DHX32: variants seen among roughly 807,000 people sequenced by gnomAD.
The protein encoded by DHX32 is putative pre-mRNA-splicing factor ATP-dependent RNA helicase DHX32.
DHX32 carries 51 observed loss-of-function variants against 70.0 expected under a neutral mutation model. The observed-to-expected ratio is 0.73, with a 90% CI of 0.58 to 0.92. The LOEUF is 0.92. Among genes scored for constraint, DHX32 ranks in the 40% least tolerant of loss-of-function variants. The probability of loss-of-function intolerance (pLI) is 0.00; values close to 1 mark genes in which losing one functional copy is unlikely to be tolerated. For missense variants in DHX32, 762 were observed against 891.8 expected, an observed-to-expected ratio of 0.85 and a Z score of 1.85; for synonymous variants, 310 against 315.3, an observed-to-expected ratio of 0.98 and a Z score of 0.18.
At chr10:125,847,584 A>G (rs551741175) in intron 6 of DHX32, among the ~76,000 whole-genome samples, 94 of 152,254 alleles carry the variant, frequency 6.2e-4, no homozygotes, top group African/African-American at 2.2e-3. Flanking sequence ...ATGGAAGACA[A>G]TTTTTCCACA....
At chr10:125,853,079 C>G in intron 4 of DHX32, 1 of 1,367,760 alleles carries the variant, frequency 7.3e-7, no homozygotes, top group Non-Finnish European at 1.0e-6. Flanking sequence ...ATCATAACAG[C>G]TAATACAGAA....
At chr10:125,875,017 G>A (rs912649964) in intron 1 of DHX32, among the ~76,000 whole-genome samples, 1 of 152,014 alleles carries the variant, frequency 6.6e-6, no homozygotes, top group African/African-American at 2.4e-5. Flanking sequence ...CCAGGAGTCC[G>A]AGACCAACCT....
chr10:125,893,122 G>A (rs1316031394), intron 1 of DHX32, among the ~76,000 whole-genome samples: 1 of 152,262 alleles, frequency 6.6e-6, no homozygotes, highest in Non-Finnish European at 1.5e-5. Flanking sequence ...ATGCTAAACC[G>A]TGTAGCACCC....
Position 125,841,856 on chromosome 10 carries a change from A to G in DHX32, c.1430T>C (p.Phe477Ser). 1 of 1,613,898 alleles carries G rather than the reference A, an allele frequency of 6.2e-7. No individual in the cohort carries two copies. Among genetic ancestry groups the G allele is most frequent in the Non-Finnish European group, 8.5e-7 (1 of 1,179,972 alleles). Reference sequence around the variant, plus strand: ...AGGAAACTCTGACATGATGATTCCAAATTCAGAAAGATTTCCATCATTATC... The same window carrying G: ...AGGAAACTCTGACATGATGATTCCAGATTCAGAAAGATTTCCATCATTATC... ...ALDNDGNLSE[F>S]GIIMSEFPLD... Residue 477 changes from phenylalanine to serine, a missense_variant, in exon 7 of 11, where the codon TTT becomes TCT. Phe to Ser is a radical substitution (Grantham distance 155). Transcript: ENST00000284690.
chr10:125,878,719 T>TG (rs1944299059), intron 1 of DHX32, among the ~76,000 whole-genome samples: 1 of 151,872 alleles, frequency 6.6e-6, no homozygotes, highest in African/African-American at 2.4e-5. Context: ...TGTTTTCTTT[T>TG]TTTTTTTGAG....
At chr10:125,891,706 G>A (rs143970021) in intron 1 of DHX32, among the ~76,000 whole-genome samples, 482 of 145,662 alleles carry the variant, frequency 3.3e-3, no homozygotes, top group African/African-American at 0.014. Context: ...TGCGTTCTAC[G>A]GTGGCTAGAG....
chr10:125,836,979 C>T lies in DHX32; in HGVS notation c.2064-124G>A, dbSNP rs1589700130. 2.3e-5 allele frequency: 18 copies of T among 779,302 alleles called. No homozygotes were observed. In the East Asian group the frequency reaches 4.3e-4, roughly 18 times the overall value. The allele number at this position is 779,302 out of a possible 1,614,324, so 48.3% of individuals were successfully genotyped here. On this transcript the variant is annotated intron_variant, in intron 10 of 10. Coordinates refer to ENST00000284690, the MANE Select transcript of DHX32 (RefSeq NM_018180.3). ...CTGTAGAACCGGTATTTAATTTGAACTCAGATAGTATCTCAGTCCGACTTT... is the reference window on the plus strand; with the variant it reads ...CTGTAGAACCGGTATTTAATTTGAATTCAGATAGTATCTCAGTCCGACTTT...
At chr10:125,841,181 C>G in intron 7 of DHX32, 185 bp from the exon 8 acceptor site, 1 of 1,427,590 alleles carries the variant, frequency 7.0e-7, no homozygotes, top group Non-Finnish European at 9.7e-7. Flanking sequence ...AATTCTCCCT[C>G]TCCTTTTGTG....
At chr10:125,885,892 AG>A (rs2134077819), upstream of DHX32, among the ~76,000 whole-genome samples, 1 of 152,344 alleles carries the variant, frequency 6.6e-6, no homozygotes, top group Admixed American at 6.5e-5. Flanking sequence ...CCTTACAGTC[AG>A]GTCTCAAGCC....
chr10:125,872,694 C>T (rs975770390), intron 1 of DHX32, among the ~76,000 whole-genome samples: 44 of 152,168 alleles, frequency 2.9e-4, no homozygotes, highest in African/African-American at 1.0e-3. Context: ...TTCTGATGTG[C>T]CATTTGCATA....
intron 1 of DHX32, among the ~76,000 whole-genome samples, chr10:125,880,309 A>G (rs542476699): frequency 5.9e-5 from 9 of 152,334 alleles, no homozygotes; most frequent in Non-Finnish European, 1.2e-4. Context: ...ACTGCTCTAT[A>G]GACAATTCAG....
At chr10:125,847,702 C>T (rs183734311) in intron 6 of DHX32, among the ~76,000 whole-genome samples, 3 of 152,272 alleles carry the variant, frequency 2.0e-5, no homozygotes, top group African/African-American at 7.2e-5. Flanking sequence ...TTATACAACT[C>T]ATCATAGTGT....
chr10:125,858,724 G>A (rs1944163599), intron 3 of DHX32, among the ~76,000 whole-genome samples: 1 of 152,060 alleles, frequency 6.6e-6, no homozygotes, highest in Non-Finnish European at 1.5e-5. Flanking sequence ...CTACATATAT[G>A]GGTCATGGTC....
upstream of DHX32, among the ~76,000 whole-genome samples, chr10:125,883,430 C>A (rs553806877): frequency 6.6e-6 from 1 of 152,170 alleles, no homozygotes; most frequent in Non-Finnish European, 1.5e-5. Context: ...TTGAAACACT[C>A]CTCTTTAGAA....
intron 1 of DHX32, among the ~76,000 whole-genome samples, chr10:125,868,974 G>C (rs1944240272): frequency 6.6e-6 from 1 of 152,064 alleles, no homozygotes. Flanking sequence ...TCTAAAAGCA[G>C]AGACCTATCC....
In DHX32 at chr10:125,866,566, A is replaced by C. The variant is rs2134060587; in HGVS notation, c.476+424T>G. The stretch of plus-strand genomic sequence containing the variant: ...CTGCTACACTGCATACTGAGTGACT[A>C]GGAGGAACTAGCCGGGCCCGGACAT... On this transcript the variant is annotated intron_variant, in intron 2 of 10. Coordinates refer to ENST00000284690, the MANE Select transcript of DHX32 (RefSeq NM_018180.3). This position sits in a 1 kb window ranked among gnomAD's most constrained non-coding sequence, Gnocchi z 4.8. 6.6e-6 allele frequency among the ~76,000 whole-genome samples: 1 copy of C among 152,254 alleles called. No individual in the cohort carries two copies. The highest frequency in any genetic ancestry group is 2.1e-4 in the South Asian group (1 of 4,826).
chr10:125,859,041 GTTTGTTTTT>G (rs1944166825), intron 3 of DHX32, among the ~76,000 whole-genome samples: 1 of 134,208 alleles, frequency 7.5e-6, no homozygotes, highest in African/African-American at 2.8e-5. Flanking sequence ...TTGTTTGTTT[GTTTGTTTTT>G]TTTTTTTTTT....
upstream of DHX32, among the ~76,000 whole-genome samples, chr10:125,883,313 G>A (rs1432215163): frequency 6.6e-6 from 1 of 152,202 alleles, no homozygotes; most frequent in Non-Finnish European, 1.5e-5. Context: ...GAGAGGTAGA[G>A]TCTATTTCCT....
intron 1 of DHX32, among the ~76,000 whole-genome samples, chr10:125,891,338 T>A (rs1317021313): frequency 6.7e-6 from 1 of 149,484 alleles, no homozygotes; most frequent in Non-Finnish European, 1.5e-5. Flanking sequence ...TGAACTTTTA[T>A]CCATCTCTCT....
Sources: gnomAD v4.1 joint callset for allele counts (sites outside exome capture counted in the v4.1 genomes callset) on GRCh38, gnomAD v4.1.1 for gene constraint, Gnocchi (gnomAD v3.1) non-coding constraint, MANE v1.5 for transcripts, NCBI Gene and HGNC (gene_info 2026-07-23, HGNC 2026-07-21) for gene names.